Variants in STXBP5L observed in about 807,000 individuals in gnomAD.
STXBP5L encodes syntaxin-binding protein 5-like.
In STXBP5L, 65 loss-of-function variants were observed where a neutral mutation model predicts 144.5. That is an observed-to-expected ratio of 0.45 (90% CI 0.37 to 0.55). STXBP5L has a LOEUF of 0.55. Ranked by LOEUF, STXBP5L falls within the 20% of genes least tolerant of loss-of-function variation. The probability of loss-of-function intolerance (pLI) is 0.00; values close to 1 mark genes in which losing one functional copy is unlikely to be tolerated. For missense variants in STXBP5L, 1,298 were observed against 1,405.5 expected, an observed-to-expected ratio of 0.92 and a Z score of 1.22; for synonymous variants, 505 against 469.6, an observed-to-expected ratio of 1.08 and a Z score of -0.97.
At chr3:121,208,739 G>A (rs1239343344) in intron 10 of STXBP5L, among the ~76,000 whole-genome samples, 2 of 152,038 alleles carry the variant, frequency 1.3e-5, no homozygotes, top group African/African-American at 2.4e-5. Context: ...CTAGCAGCTT[G>A]TGGTATTATT....
At chr3:121,202,122 T>C (rs757572759) in intron 9 of STXBP5L, among the ~76,000 whole-genome samples, 69 of 152,172 alleles carry the variant, frequency 4.5e-4, no homozygotes, top group Non-Finnish European at 7.8e-4. Flanking sequence ...GCAAATCCAA[T>C]AATACATTAT....
chr3:121,191,958 TG>T (rs1465422468), intron 9 of STXBP5L, among the ~76,000 whole-genome samples: 3 of 67,400 alleles, frequency 4.5e-5, no homozygotes, highest in Admixed American at 3.3e-4. Flanking sequence ...GGGTGGGGGA[TG>T]GGGGGAGGGA....
At chr3:121,005,995 G>T (rs1214672226) in intron 3 of STXBP5L, among the ~76,000 whole-genome samples, 1 of 152,160 alleles carries the variant, frequency 6.6e-6, no homozygotes, top group Non-Finnish European at 1.5e-5. Flanking sequence ...TTTGGAATAG[G>T]TATGGTGTGG....
intron 5 of STXBP5L, among the ~76,000 whole-genome samples, chr3:121,050,527 C>T (rs1037042061): frequency 6.6e-6 from 1 of 152,042 alleles, no homozygotes; most frequent in Non-Finnish European, 1.5e-5. Context: ...TACAGACAAG[C>T]AAATGCTGAG....
At chr3:121,133,398 CACAT>C in intron 7 of STXBP5L, among the ~76,000 whole-genome samples, 1 of 152,132 alleles carries the variant, frequency 6.6e-6, no homozygotes. Context: ...AGTGGATTGT[CACAT>C]ACAAGGGAAT....
chr3:120,946,384 A>G (rs557998264), intron 2 of STXBP5L, among the ~76,000 whole-genome samples: 1 of 151,694 alleles, frequency 6.6e-6, no homozygotes, highest in Non-Finnish European at 1.5e-5. Flanking sequence ...TATTGTATCT[A>G]TTTTCCAATC....
chr3:121,330,590 A>G (rs906781743), intron 20 of STXBP5L, among the ~76,000 whole-genome samples: 3 of 152,072 alleles, frequency 2.0e-5, no homozygotes, highest in Admixed American at 6.6e-5. Context: ...ACATCAGAGT[A>G]CCTCCCCTGG....
chr3:120,978,436 A>G (rs1247067999), intron 3 of STXBP5L, among the ~76,000 whole-genome samples: 1 of 152,114 alleles, frequency 6.6e-6, no homozygotes, highest in Non-Finnish European at 1.5e-5. Flanking sequence ...TATTCTAGTT[A>G]TACATTTGTC....
chr3:120,962,305 C>T (rs973446115), intron 3 of STXBP5L, among the ~76,000 whole-genome samples: 1 of 152,094 alleles, frequency 6.6e-6, no homozygotes, highest in African/African-American at 2.4e-5. Context: ...TCAATTTTGG[C>T]TTTTGTTGCC....
At chr3:121,229,376 T>G (rs2049227543) in intron 11 of STXBP5L, among the ~76,000 whole-genome samples, 1 of 152,140 alleles carries the variant, frequency 6.6e-6, no homozygotes, top group African/African-American at 2.4e-5. Flanking sequence ...AAAGACATTT[T>G]TTTCTCTTAT....
chr3:121,403,429 A>C (rs1433360347), intron 22 of STXBP5L, among the ~76,000 whole-genome samples: 2 of 152,102 alleles, frequency 1.3e-5, no homozygotes, highest in African/African-American at 4.8e-5. Context: ...ACCTGCTTTC[A>C]CCTACTTAAG....
At chr3:121,181,403 C>T (rs2047146820) in intron 9 of STXBP5L, among the ~76,000 whole-genome samples, 2 of 113,980 alleles carry the variant, frequency 1.8e-5, no homozygotes, top group African/African-American at 6.0e-5. Context: ...GGCCTAAGGG[C>T]CCCACTTAAA....
chr3:121,386,701 A>G (rs1004920519), intron 22 of STXBP5L, among the ~76,000 whole-genome samples: 9 of 152,178 alleles, frequency 5.9e-5, no homozygotes, highest in Non-Finnish European at 1.3e-4. Context: ...GATGGTTTCC[A>G]GCTTCATCAA....
In STXBP5L at chr3:121,413,246, G is replaced by C; in HGVS notation, c.3037G>C (p.Gly1013Arg). Residue 1013 changes from glycine (G) to arginine (R), a missense_variant, in exon 24 of 27, where the codon GGA becomes CGA. Transcript: ENST00000471454. The stretch of plus-strand genomic sequence containing the variant: ...ACGAACATTTTGTTTTACCAATGAA[G>C]GACAGGCATTATACCTCGTCTCTCC... Reference protein sequence around the residue: ...IARTFCFTNEGQALYLVSPTE... With the variant: ...IARTFCFTNERQALYLVSPTE... 1.2e-6 allele frequency: 2 copies of C among 1,609,990 alleles called. No homozygotes were observed. The highest frequency in any genetic ancestry group is 1.7e-6 in the Non-Finnish European group (2 of 1,178,800).
intron 3 of STXBP5L, among the ~76,000 whole-genome samples, chr3:121,026,469 C>T (rs1035977240): frequency 3.3e-5 from 5 of 152,006 alleles, no homozygotes; most frequent in Non-Finnish European, 7.4e-5. Context: ...TGTTGCTTCC[C>T]TTCAAGTAAA....
At chr3:120,958,928 T>TA (rs1330161257) in intron 3 of STXBP5L, among the ~76,000 whole-genome samples, 1 of 152,092 alleles carries the variant, frequency 6.6e-6, no homozygotes, top group East Asian at 1.9e-4. Context: ...GAGAAGGAAA[T>TA]AAAGAGTATT....
intron 9 of STXBP5L, among the ~76,000 whole-genome samples, chr3:121,191,914 G>T (rs2047702787): frequency 1.3e-5 from 2 of 151,644 alleles, no homozygotes; most frequent in Non-Finnish European, 2.9e-5. Flanking sequence ...CTGGGACACA[G>T]GGTGGGGAAC....
intron 9 of STXBP5L, among the ~76,000 whole-genome samples, chr3:121,165,128 T>C (rs1242233159): frequency 2.0e-5 from 3 of 152,214 alleles, no homozygotes; most frequent in Admixed American, 2.0e-4. Context: ...CATAACGTCA[T>C]GTTGTATACC....
At chr3:121,108,144 T>C (rs893526614) in intron 5 of STXBP5L, among the ~76,000 whole-genome samples, 6 of 152,100 alleles carry the variant, frequency 3.9e-5, no homozygotes, top group Non-Finnish European at 2.9e-5. Context: ...TATGTACGAT[T>C]ATGTTATCTA....
Sources: gnomAD v4.1 joint callset for allele counts (sites outside exome capture counted in the v4.1 genomes callset) on GRCh38, gnomAD v4.1.1 for gene constraint, MANE v1.5 for transcripts, NCBI Gene and HGNC (gene_info 2026-07-23, HGNC 2026-07-21) for gene names.